Variants in CELF1 observed in about 807,000 individuals in gnomAD.
The protein encoded by CELF1 is 50 kDa nuclear polyadenylated RNA-binding protein.
CELF1 carries 10 observed loss-of-function variants against 61.8 expected under a neutral mutation model. That is an observed-to-expected ratio of 0.16 (90% CI 0.10 to 0.27). The LOEUF is 0.27. Ranked by LOEUF, CELF1 falls within the 10% of genes least tolerant of loss-of-function variation. CELF1 has a pLI of 1.00. For missense variants in CELF1, 380 were observed against 639.1 expected, an observed-to-expected ratio of 0.59 and a Z score of 4.37; for synonymous variants, 236 against 225.1, an observed-to-expected ratio of 1.05 and a Z score of -0.43.
chr11:47,550,351 T>C (rs1379831170), intron 1 of CELF1, among the ~76,000 whole-genome samples: 1 of 151,690 alleles, frequency 6.6e-6, no homozygotes, highest in Non-Finnish European at 1.5e-5. Context: ...GCCAACATGG[T>C]GAAACCCCAT....
At chr11:47,543,663 A>C (rs140484567) in intron 1 of CELF1, among the ~76,000 whole-genome samples, 172 of 152,138 alleles carry the variant, frequency 1.1e-3, no homozygotes, top group African/African-American at 4.0e-3. Flanking sequence ...AATCCCAACT[A>C]CTCAGGAGGC....
At chr11:47,530,822 G>GC (rs972420307) in intron 1 of CELF1, among the ~76,000 whole-genome samples, 17 of 152,096 alleles carry the variant, frequency 1.1e-4, no homozygotes, top group Non-Finnish European at 7.4e-5. Flanking sequence ...AGGCATGGTG[G>GC]CATGTGCCTG....
intron 6 of CELF1, among the ~76,000 whole-genome samples, chr11:47,485,049 T>A (rs1304576583): frequency 6.6e-6 from 1 of 152,246 alleles, no homozygotes; most frequent in African/African-American, 2.4e-5. Context: ...TATGGTAGCT[T>A]TGTAATCTTG....
intron 3 of CELF1, among the ~76,000 whole-genome samples, chr11:47,492,071 A>G (rs757083626): frequency 5.3e-5 from 8 of 152,156 alleles, no homozygotes; most frequent in Non-Finnish European, 1.2e-4. Context: ...TCGACCTCCC[A>G]GGCTCAAGCG....
At chr11:47,485,856 CCTGA>C (rs1382631747) in intron 6 of CELF1, among the ~76,000 whole-genome samples, 4 of 147,374 alleles carry the variant, frequency 2.7e-5, no homozygotes, top group African/African-American at 4.9e-5. Flanking sequence ...CTCACCTGGT[CCTGA>C]CTATCTTCTT....
chr11:47,503,861 T>C (rs950779505), intron 1 of CELF1, among the ~76,000 whole-genome samples: 11 of 152,338 alleles, frequency 7.2e-5, no homozygotes, highest in African/African-American at 2.6e-4. Flanking sequence ...CTGTTATTGT[T>C]ACAAAATGTG....
In CELF1 at chr11:47,469,360, T is replaced by C. The variant is rs1000510521; in HGVS notation, c.*2870A>G. On this transcript the variant is annotated 3_prime_UTR_variant, in exon 15 of 15. Coordinates refer to ENST00000687097, the MANE Select transcript of CELF1 (RefSeq NM_001376376.1). ...AAGCTCTTAGCTTCCATCCAGGCCC[T>C]GGCCACTCAAGGGGAACCCAGGAGA... is the stretch of plus-strand genomic sequence containing the variant. 1.3e-5 allele frequency: 2 copies of C among 152,252 alleles called. No homozygotes were observed. Among genetic ancestry groups the C allele is most frequent in the African/African-American group, 4.8e-5 (2 of 41,464 alleles). 9.4% of individuals were successfully genotyped at this position (152,252 alleles called of 1,614,324 possible). A position where few individuals can be genotyped will look rare whatever the true frequency, so the allele number is the denominator to read the frequency against.
intron 2 of CELF1, among the ~76,000 whole-genome samples, chr11:47,562,767 C>T (rs536337561): frequency 2.0e-5 from 3 of 151,636 alleles, no homozygotes; most frequent in East Asian, 1.9e-4. Flanking sequence ...TGCAGTGGCG[C>T]GATCTTGGCT....
chr11:47,527,611 T>C (rs1360297610), intron 1 of CELF1, among the ~76,000 whole-genome samples: 1 of 152,214 alleles, frequency 6.6e-6, no homozygotes, highest in Non-Finnish European at 1.5e-5. Flanking sequence ...TTATTCATTG[T>C]ATATACTGAC....
intron 1 of CELF1, among the ~76,000 whole-genome samples, chr11:47,536,005 G>A (rs897699290): frequency 1.4e-4 from 22 of 151,904 alleles, no homozygotes; most frequent in African/African-American, 4.8e-4. Flanking sequence ...CTTGTGATCC[G>A]CCCGCCTCAG....
chr11:47,547,574 G>T (rs1206601969), intron 1 of CELF1, among the ~76,000 whole-genome samples: 1 of 151,538 alleles, frequency 6.6e-6, no homozygotes, highest in Admixed American at 6.6e-5. Flanking sequence ...CTACTCAGGA[G>T]GCTGAGGCAG....
intron 1 of CELF1, among the ~76,000 whole-genome samples, chr11:47,534,022 CT>C (rs71042679): frequency 0.014 from 1,266 of 87,600 alleles, 4 homozygotes; most frequent in African/African-American, 0.04. Context: ...TTTTTCTTTC[CT>C]TTTTTTTTTT....
intron 1 of CELF1, among the ~76,000 whole-genome samples, chr11:47,547,088 A>AAAG (rs2096978043): frequency 6.7e-6 from 1 of 149,524 alleles, no homozygotes; most frequent in African/African-American, 2.5e-5. Context: ...AAAAAAAAAA[A>AAAG]AAAAAGAAAG....
chr11:47,477,593 T>C, intron 10 of CELF1, 168 bp from the exon 11 acceptor site: 1 of 589,960 alleles, frequency 1.7e-6, no homozygotes, highest in South Asian at 2.5e-5. Flanking sequence ...CATGTATCAC[T>C]CATTAAGAAA....
Position 47,533,809 on chromosome 11 carries a change from C to CAAAA in CELF1, c.-154+19179_-154+19182dup, listed in dbSNP as rs58856403. ...TGGGCAATAGAGCGAGACTCTCCCC[C>CAAAA]AAAAAAAAAAAAAAAAAAAAAAGGA... On this transcript the variant is annotated intron_variant, in intron 1 of 14. Transcript: ENST00000687097. 1.4e-3 allele frequency among the ~76,000 whole-genome samples: 115 copies of CAAAA among 85,054 alleles called. 3 individuals carry two copies. Among genetic ancestry groups the CAAAA allele is most frequent in the Admixed American group, 3.1e-3 (19 of 6,222 alleles). The allele number at this position is 85,054 out of a possible 152,430, so 55.8% of individuals were successfully genotyped here. A position where few individuals can be genotyped will look rare whatever the true frequency, so the allele number is the denominator to read the frequency against.
At chr11:47,516,603 T>G (rs1021339281) in intron 1 of CELF1, among the ~76,000 whole-genome samples, 1 of 147,528 alleles carries the variant, frequency 6.8e-6, no homozygotes, top group Non-Finnish European at 1.5e-5. Flanking sequence ...AATATTCTCT[T>G]TTTTTTTTTT....
chr11:47,527,288 G>A (rs2096280075), intron 1 of CELF1, among the ~76,000 whole-genome samples: 1 of 152,136 alleles, frequency 6.6e-6, no homozygotes, highest in Non-Finnish European at 1.5e-5. Context: ...CTACTCAGGG[G>A]GCTGAGGTGG....
chr11:47,560,291 T>TA (rs565960619), intron 2 of CELF1, among the ~76,000 whole-genome samples: 1 of 150,714 alleles, frequency 6.6e-6, no homozygotes, highest in African/African-American at 2.4e-5. Flanking sequence ...ACCGTCTCAA[T>TA]AAAAAAAAGA....
At chr11:47,504,499 C>G (rs1230552481) in intron 1 of CELF1, among the ~76,000 whole-genome samples, 1 of 151,686 alleles carries the variant, frequency 6.6e-6, no homozygotes, top group African/African-American at 2.4e-5. Flanking sequence ...GATCACCTGA[C>G]CCCAGGAAGG....
Sources: allele counts gnomAD v4.1 joint callset (sites outside exome capture counted in the v4.1 genomes callset), GRCh38; gene constraint gnomAD v4.1.1; transcripts MANE v1.5; gene names NCBI Gene and HGNC (gene_info 2026-07-23, HGNC 2026-07-21).